The following SHQ1 variants were observed in gnomAD, a reference collection of about 807,000 sequenced individuals.
SHQ1 encodes the protein SHQ1, H/ACA ribonucleoprotein assembly factor.
A neutral mutation model predicts 53.8 loss-of-function variants in SHQ1; 49 were observed. The ratio of observed to expected loss-of-function variants is 0.91; its 90% CI spans 0.72 to 1.16. The LOEUF is 1.16. Among genes scored for constraint, SHQ1 ranks in the 50% most tolerant of loss-of-function variants. SHQ1 has a pLI of 0.00. For missense variants in SHQ1, 738 were observed against 683.1 expected (o/e 1.08, Z -0.90); for synonymous variants, 243 against 251.0 (o/e 0.97, Z 0.30).
chr3:72,819,132 T>C (rs1172766664), intron 6 of SHQ1, among the ~76,000 whole-genome samples: 1 of 152,242 alleles, frequency 6.6e-6, no homozygotes, highest in East Asian at 1.9e-4. Flanking sequence ...TGATAATTTG[T>C]TATGCAGCAA....
chr3:72,838,674 A>G (rs1421594438), intron 4 of SHQ1, among the ~76,000 whole-genome samples: 1 of 152,040 alleles, frequency 6.6e-6, no homozygotes, highest in Non-Finnish European at 1.5e-5. Context: ...TAATTTTTGT[A>G]TTTTTAAGTA....
At chr3:72,837,644 G>A (rs577851304) in intron 4 of SHQ1, among the ~76,000 whole-genome samples, 1 of 152,316 alleles carries the variant, frequency 6.6e-6, no homozygotes, top group South Asian at 2.1e-4. Flanking sequence ...AATACTATTT[G>A]AGAAAATGGT....
intron 9 of SHQ1, among the ~76,000 whole-genome samples, chr3:72,804,978 G>A (rs1706895814): frequency 6.6e-6 from 1 of 152,204 alleles, no homozygotes; most frequent in Admixed American, 6.5e-5. Flanking sequence ...GTCACAGAAT[G>A]TACTTACACA....
intron 10 of SHQ1, among the ~76,000 whole-genome samples, chr3:72,766,969 G>C (rs1048996286): frequency 7.2e-5 from 11 of 152,126 alleles, no homozygotes; most frequent in African/African-American, 2.2e-4. Context: ...TATTTAATTT[G>C]AACTAATTTA....
Position 72,759,180 on chromosome 3 carries a change from C to G in SHQ1, c.1182-8344G>C, listed in dbSNP as rs539401560. ...ACCTCATCTTAACTAATTACATATG[C>G]AATGACTCTATTTCTAAATAAGGTC... On this transcript the variant is annotated intron_variant, in intron 10 of 10. Transcript: ENST00000325599. Among the ~76,000 whole-genome samples the G allele has an allele frequency of 4.6e-5, 7 of 152,266 alleles. 1 individual carries two copies. Among genetic ancestry groups the G allele is most frequent in the Admixed American group, 3.9e-4 (6 of 15,296 alleles).
the SHQ1 span, among the ~76,000 whole-genome samples, chr3:72,741,970 T>C: frequency 2.6e-5 from 4 of 152,192 alleles, no homozygotes; most frequent in African/African-American, 9.7e-5. Context: ...TGCCATTTTA[T>C]ATAAGGGACT....
intron 10 of SHQ1, among the ~76,000 whole-genome samples, chr3:72,782,451 T>C (rs1706097826): frequency 1.3e-5 from 2 of 152,220 alleles, no homozygotes; most frequent in African/African-American, 4.8e-5. Flanking sequence ...CAACACTCCA[T>C]GCCCAAAGAT....
intron 6 of SHQ1, among the ~76,000 whole-genome samples, chr3:72,822,222 G>A (rs577002159): frequency 4.0e-4 from 61 of 152,258 alleles, no homozygotes; most frequent in Non-Finnish European, 5.0e-4. Context: ...CACGCTGTTC[G>A]ACACAAAGCT....
At chr3:72,734,838 C>T in the SHQ1 span, among the ~76,000 whole-genome samples, 5 of 151,636 alleles carry the variant, frequency 3.3e-5, no homozygotes, top group South Asian at 2.1e-4. Flanking sequence ...ACTGTCATGC[C>T]TTTACGACAC....
At chr3:72,764,965 C>G (rs1705689129) in intron 10 of SHQ1, among the ~76,000 whole-genome samples, 1 of 152,218 alleles carries the variant, frequency 6.6e-6, no homozygotes, top group Non-Finnish European at 1.5e-5. Context: ...GTGTACAGGG[C>G]AGCCTGACTC....
chr3:72,828,596 A>C (rs1256366204), intron 5 of SHQ1, among the ~76,000 whole-genome samples: 1 of 152,064 alleles, frequency 6.6e-6, no homozygotes. Flanking sequence ...CAGGAGGCTG[A>C]GGCGGGAGAA....
chr3:72,775,286 A>C (rs1221254048), intron 10 of SHQ1, among the ~76,000 whole-genome samples: 1 of 150,388 alleles, frequency 6.6e-6, no homozygotes, highest in Non-Finnish European at 1.5e-5. Context: ...AGCAAATAAA[A>C]ACAACTCTAT....
intron 10 of SHQ1, chr3:72,753,770 TAA>T (rs1705439876): frequency 2.9e-6 from 1 of 349,678 alleles, no homozygotes; most frequent in Non-Finnish European, 4.0e-6. Context: ...GAGGCATTTT[TAA>T]AAGCATAGCT....
chr3:72,817,241 C>T lies in SHQ1; in HGVS notation c.871G>A (p.Gly291Arg). 1 of 1,612,934 alleles carries T rather than the reference C, an allele frequency of 6.2e-7. No individual in the cohort carries two copies. The highest frequency in any genetic ancestry group is 8.5e-7 in the Non-Finnish European group (1 of 1,179,454). The change falls in exon 7 of 11, where the codon GGA becomes AGA. Residue 291 changes from glycine to arginine, a missense_variant. By Grantham distance (125) the Gly-to-Arg change is moderately radical (BLOSUM62 -2). Coordinates refer to ENST00000325599, the MANE Select transcript of SHQ1 (RefSeq NM_018130.3). The stretch of plus-strand genomic sequence containing the variant: ...ATACATGCACTTACATTCTTCTCTC[C>T]TTCAGTGACACGGGTTTCATAGCAA... ...AYCYETRVTE[G>R]EKNVESAWNI...
At chr3:72,830,656 C>T (rs950141051) in intron 5 of SHQ1, among the ~76,000 whole-genome samples, 6 of 152,100 alleles carry the variant, frequency 3.9e-5, no homozygotes, top group Non-Finnish European at 5.9e-5. Context: ...CAAAGTCTTA[C>T]TGCTATCAGA....
intron 10 of SHQ1, among the ~76,000 whole-genome samples, chr3:72,786,149 C>A (rs991196454): frequency 1.3e-5 from 2 of 152,208 alleles, no homozygotes; most frequent in Non-Finnish European, 2.9e-5. Context: ...CCTCTCAAAT[C>A]TGATGACTAG....
intron 5 of SHQ1, among the ~76,000 whole-genome samples, chr3:72,829,441 G>A (rs1707763901): frequency 6.6e-6 from 1 of 152,226 alleles, no homozygotes. Context: ...AGGCACCACG[G>A]TGTCTTTGGT....
chr3:72,748,075 A>G (rs896151695), downstream of SHQ1, among the ~76,000 whole-genome samples: 10 of 151,990 alleles, frequency 6.6e-5, no homozygotes, highest in Admixed American at 1.3e-4. Flanking sequence ...AGCCAGGCTG[A>G]AAAACTCATA....
In SHQ1 at chr3:72,824,509, C is replaced by G; in HGVS notation, c.642G>C (p.Lys214Asn). Reference protein sequence around the residue: ...FEDEAIEQILKYNPWWTDKYS... With the variant: ...FEDEAIEQILNYNPWWTDKYS... ...ATTTGTCAGTCCACCAAGGATTATA[C>G]TTCAAAATCTGTTCAATCGCCTCAT... Residue 214 changes from lysine to asparagine, a missense_variant, in exon 6 of 11, where the codon AAG becomes AAC. Physicochemically the swap from Lys to Asn is moderately conservative, Grantham distance 94. Coordinates refer to ENST00000325599, the MANE Select transcript of SHQ1 (RefSeq NM_018130.3). 2 of 1,612,128 alleles carry G rather than the reference C, an allele frequency of 1.2e-6. No homozygotes were observed. The highest frequency in any genetic ancestry group is 8.5e-7 in the Non-Finnish European group (1 of 1,179,388).
Sources: allele counts gnomAD v4.1 joint callset (sites outside exome capture counted in the v4.1 genomes callset), GRCh38; gene constraint gnomAD v4.1.1; transcripts MANE v1.5; gene names NCBI Gene and HGNC (gene_info 2026-07-23, HGNC 2026-07-21).